PDIA5: variants seen among roughly 807,000 people sequenced by gnomAD.
PDIA5 encodes protein disulfide isomerase family A member 5.
In PDIA5, 58 loss-of-function variants were observed where a neutral mutation model predicts 77.6. The observed-to-expected ratio is 0.75, with a 90% CI of 0.61 to 0.93. The LOEUF (loss-of-function observed/expected upper bound fraction) is 0.93. Ranked by LOEUF, PDIA5 falls within the 40% of genes least tolerant of loss-of-function variation. The pLI, the probability that PDIA5 is intolerant of heterozygous loss-of-function variation, is 0.00. For synonymous variants in PDIA5, 250 were observed against 252.1 expected (o/e 0.99, Z 0.08); for missense variants, 630 against 647.7 (o/e 0.97, Z 0.30).
chr3:123,070,730 C>T (rs896650732), intron 1 of PDIA5, among the ~76,000 whole-genome samples: 4 of 152,198 alleles, frequency 2.6e-5, no homozygotes, highest in Non-Finnish European at 4.4e-5. Flanking sequence ...CAGCTCAGCT[C>T]ATCCCTGCAG....
At chr3:123,142,905 C>T (rs1355316452) in intron 11 of PDIA5, among the ~76,000 whole-genome samples, 1 of 152,196 alleles carries the variant, frequency 6.6e-6, no homozygotes, top group Admixed American at 6.5e-5. Flanking sequence ...CACATGTGTC[C>T]TTTCATCTGC....
In PDIA5 at chr3:123,067,264, C is replaced by T. The variant is rs950644675; in HGVS notation, c.42+58C>T. 1.2e-5 allele frequency: 14 copies of T among 1,196,812 alleles called. No individual in the cohort carries two copies. In the African/African-American group the frequency reaches 2.2e-4, roughly 19 times the overall value. The allele number at this position is 1,196,812 out of a possible 1,614,324, so 74.1% of individuals were successfully genotyped here. A position where few individuals can be genotyped will look rare whatever the true frequency, so the allele number is the denominator to read the frequency against. On this transcript the variant is annotated intron_variant, in intron 1 of 16. Coordinates refer to ENST00000316218, the MANE Select transcript of PDIA5 (RefSeq NM_006810.4). ...CAGCACGTGTGTCCCGCGTGCCCTT[C>T]TGCGCTCTCTGCTCCAGCCCTCTGC... is the stretch of plus-strand genomic sequence containing the variant.
intron 4 of PDIA5, 22 bp downstream of exon 4, chr3:123,102,516 C>G (rs1180297571): frequency 1.9e-6 from 3 of 1,575,722 alleles, no homozygotes; most frequent in African/African-American, 2.7e-5. Flanking sequence ...TGGGCATTTC[C>G]AATTTCCAAG....
Position 123,101,906 on chromosome 3 carries a change from C to CTTTTTTTTTTTTTTTTTTTT in PDIA5, c.258-503_258-484dup, listed in dbSNP as rs71623603. ...TCCCCTTCCTTTCCTTTCTTTCTTG[C>CTTTTTTTTTTTTTTTTTTTT]TTTTTTTTTTTTTTTTTTTTTGAGA... On this transcript the variant is annotated intron_variant, in intron 3 of 16. Transcript: ENST00000316218. Among the ~76,000 whole-genome samples, 217 of 71,386 alleles carry CTTTTTTTTTTTTTTTTTTTT rather than the reference C, an allele frequency of 3.0e-3. 14 individuals carry two copies. The highest frequency in any genetic ancestry group is 4.4e-3 in the Admixed American group (17 of 3,834). 46.8% of individuals were successfully genotyped at this position (71,386 alleles called of 152,430 possible).
At chr3:123,112,904 T>A (rs1274412894) in intron 7 of PDIA5, among the ~76,000 whole-genome samples, 1 of 151,980 alleles carries the variant, frequency 6.6e-6, no homozygotes, top group Non-Finnish European at 1.5e-5. Flanking sequence ...AGCCCCAGCC[T>A]CCTCCCCAGG....
chr3:123,158,132 C>T (rs1936062667), intron 15 of PDIA5, among the ~76,000 whole-genome samples: 2 of 152,228 alleles, frequency 1.3e-5, no homozygotes, highest in Admixed American at 1.3e-4. Flanking sequence ...AGTCATGACA[C>T]CTTAGACCTG....
At chr3:123,140,006 A>G (rs1281088595) in intron 11 of PDIA5, among the ~76,000 whole-genome samples, 1 of 152,148 alleles carries the variant, frequency 6.6e-6, no homozygotes, top group Non-Finnish European at 1.5e-5. Context: ...GGGAGAGGGC[A>G]TGATAGCATG....
rs561435814 is a variant in PDIA5, at chr3:123,137,796, C to T, written c.910+7180C>T. Among the ~76,000 whole-genome samples, 5 of 152,330 alleles carry T rather than the reference C, an allele frequency of 3.3e-5. No individual in the cohort carries two copies. In the East Asian group the frequency reaches 7.7e-4, roughly 23 times the overall value. ...CCACTGAGCCATTCTGCAAGTCTGC[C>T]TTCTCCCATCCTGACCTCTGGGATT... On this transcript the variant is annotated intron_variant, in intron 11 of 16. Coordinates refer to ENST00000316218, the MANE Select transcript of PDIA5 (RefSeq NM_006810.4).
chr3:123,160,843 T>G (rs1222865599), intron 15 of PDIA5, among the ~76,000 whole-genome samples: 5 of 152,178 alleles, frequency 3.3e-5, no homozygotes, highest in Non-Finnish European at 1.5e-5. Flanking sequence ...GGCTGAGTTA[T>G]TTTCCTTAAG....
intron 2 of PDIA5, among the ~76,000 whole-genome samples, chr3:123,090,281 C>T (rs758778707): frequency 2.0e-5 from 3 of 152,116 alleles, no homozygotes; most frequent in Non-Finnish European, 4.4e-5. Context: ...GGAATAGGGG[C>T]GAAATCAAGG....
At chr3:123,069,993 G>A (rs1457800517) in intron 1 of PDIA5, among the ~76,000 whole-genome samples, 2 of 151,824 alleles carry the variant, frequency 1.3e-5, no homozygotes, top group Non-Finnish European at 2.9e-5. Context: ...AGAAGGCTGA[G>A]GCAGGAGAAT....
intron 15 of PDIA5, among the ~76,000 whole-genome samples, chr3:123,159,975 G>C (rs1405729029): frequency 6.6e-6 from 1 of 152,290 alleles, no homozygotes; most frequent in East Asian, 1.9e-4. Context: ...TGTGAATCAT[G>C]GTTATTCAAT....
intron 11 of PDIA5, among the ~76,000 whole-genome samples, chr3:123,144,338 C>T (rs1024858943): frequency 3.9e-5 from 6 of 152,296 alleles, no homozygotes; most frequent in South Asian, 2.1e-4. Flanking sequence ...ACCTGTCATC[C>T]GCTGATCCTA....
rs146566914 is a variant in PDIA5 at position 123,113,778 on chromosome 3, G to A, written c.542-2453G>A. On this transcript the variant is annotated intron_variant, in intron 7 of 16. Transcript: ENST00000316218. ...TTGGGTGAATGGGCCCAAAGGCAGT[G>A]AGAACCTTTGGTGGTGACAAGGAAC... Among the ~76,000 whole-genome samples the A allele has an allele frequency of 1.3e-4, 20 of 152,324 alleles. No individual in the cohort carries two copies. In the East Asian group the frequency reaches 3.9e-3, roughly 29 times the overall value.
chr3:123,142,935 C>G, intron 11 of PDIA5, among the ~76,000 whole-genome samples: 1 of 152,326 alleles, frequency 6.6e-6, no homozygotes, highest in Non-Finnish European at 1.5e-5. Context: ...GAGGTCTTCT[C>G]AAGCCCCTGG....
At chr3:123,100,856 G>T (rs549773625) in intron 3 of PDIA5, among the ~76,000 whole-genome samples, 1 of 152,354 alleles carries the variant, frequency 6.6e-6, no homozygotes, top group East Asian at 1.9e-4. Context: ...TGTTGGTGGA[G>T]GTGAGGCATG....
intron 5 of PDIA5, among the ~76,000 whole-genome samples, chr3:123,103,478 A>G (rs2717236): frequency 0.76 from 114,955 of 152,070 alleles, 43,555 homozygotes; most frequent in Middle Eastern, 0.78. Flanking sequence ...GTTTGAACTC[A>G]CTTCCTAACC....
intron 3 of PDIA5, among the ~76,000 whole-genome samples, chr3:123,100,207 C>T (rs1163493787): frequency 3.3e-5 from 5 of 152,254 alleles, no homozygotes. Flanking sequence ...AGGGAATTAA[C>T]TCAAACAGGG....
chr3:123,155,036 C>A lies in PDIA5; in HGVS notation c.1339C>A (p.Arg447=). The change falls in exon 15 of 17, where the codon CGA becomes AGA. Residue 447 remains arginine (R), a synonymous_variant. Transcript: ENST00000316218. ...TATADAFKDD[R]KIACAAVDCV... ...TACTGCTGATGCCTTCAAAGATGAC[C>A]GAAAGGTAAGGACAGCGCTCTTCAT... is the stretch of plus-strand genomic sequence containing the variant. 1.2e-6 allele frequency: 2 copies of A among 1,605,624 alleles called. No individual in the cohort carries two copies. Among genetic ancestry groups the A allele is most frequent in the Non-Finnish European group, 1.7e-6 (2 of 1,172,280 alleles).
Sources: gnomAD v4.1 joint callset for allele counts (sites outside exome capture counted in the v4.1 genomes callset) on GRCh38, gnomAD v4.1.1 for gene constraint, MANE v1.5 for transcripts, NCBI Gene and HGNC (gene_info 2026-07-23, HGNC 2026-07-21) for gene names.